XKR5: variants seen among roughly 807,000 people sequenced by gnomAD.
XKR5 encodes the protein XK related 5.
XKR5 carries 46 observed loss-of-function variants against 40.8 expected under a neutral mutation model. That is an observed-to-expected ratio of 1.13 (90% confidence interval 0.89 to 1.44). XKR5 has a LOEUF of 1.44. Among genes scored for constraint, XKR5 ranks in the 40% most tolerant of loss-of-function variants. The pLI is 0.00. For missense variants in XKR5, 1,169 were observed against 844.7 expected, an observed-to-expected ratio of 1.38 and a Z score of -4.76; for synonymous variants, 466 against 356.1, an observed-to-expected ratio of 1.31 and a Z score of -3.48.
At chr8:6,816,721 T>C (rs1024596611) in intron 5 of XKR5, among the ~76,000 whole-genome samples, 1 of 147,566 alleles carries the variant, frequency 6.8e-6, no homozygotes, top group Non-Finnish European at 1.5e-5. Flanking sequence ...AATTAAAATA[T>C]AATTAATATA....
intron 5 of XKR5, among the ~76,000 whole-genome samples, chr8:6,819,270 C>T (rs553129755): frequency 1.6e-4 from 25 of 152,292 alleles, no homozygotes; most frequent in African/African-American, 5.3e-4. Flanking sequence ...GCTGCTGTCT[C>T]GAGGGCTGGG....
At chr8:6,823,414 G>C (rs1039395859) in intron 4 of XKR5, 107 bp downstream of exon 4, 1 of 1,198,882 alleles carries the variant, frequency 8.3e-7, no homozygotes, top group Non-Finnish European at 1.2e-6. Flanking sequence ...AGCCCAGTCA[G>C]CCTTCAGGCC....
chr8:6,833,536 G>A (rs1341684429), intron 1 of XKR5, among the ~76,000 whole-genome samples: 1 of 152,228 alleles, frequency 6.6e-6, no homozygotes, highest in Non-Finnish European at 1.5e-5. Context: ...TTCAAGACCA[G>A]TCTGGGCCTC....
At position 6,811,694 on chromosome 8, in the gene XKR5, G is replaced by A; in HGVS notation, c.1565C>T (p.Thr522Ile). The A allele has an allele frequency of 1.3e-6, 2 of 1,537,720 alleles. No individual in the cohort carries two copies. Among genetic ancestry groups the A allele is most frequent in the East Asian group, 4.9e-5 (2 of 40,934 alleles). Residue 522 changes from threonine (T) to isoleucine (I), a missense_variant, in exon 7 of 7, where the codon ACA becomes ATA. Thr to Ile is a moderately conservative substitution (Grantham distance 89). Coordinates refer to ENST00000618742, the MANE Select transcript of XKR5 (RefSeq NM_207411.5). ...CTGCCCACCTGTCCCCTTCCCCTGT[G>A]TCCCAGAAACAGCGTCAGCTCCTTC... ...PKEGADAVSG[T>I]QGKGTGGQQR...
intron 2 of XKR5, among the ~76,000 whole-genome samples, chr8:6,831,284 T>C (rs558893992): frequency 3.7e-4 from 56 of 152,290 alleles, no homozygotes; most frequent in African/African-American, 1.3e-3. Flanking sequence ...TTCTCCGCCA[T>C]GGAAGGAAGG....
At chr8:6,835,059 A>G (rs1804950091) in intron 1 of XKR5, among the ~76,000 whole-genome samples, 1 of 152,056 alleles carries the variant, frequency 6.6e-6, no homozygotes, top group Non-Finnish European at 1.5e-5. Flanking sequence ...TTGGCATCGC[A>G]GCACTTTGCA....
At chr8:6,830,059 G>A (rs536923895) in intron 2 of XKR5, among the ~76,000 whole-genome samples, 2 of 151,880 alleles carry the variant, frequency 1.3e-5, no homozygotes, top group African/African-American at 4.8e-5. Flanking sequence ...GGATGGTCTG[G>A]ATCTCCTGAC....
intron 3 of XKR5, among the ~76,000 whole-genome samples, chr8:6,824,009 C>A (rs777349946): frequency 2.0e-5 from 3 of 152,346 alleles, no homozygotes; most frequent in African/African-American, 7.2e-5. Flanking sequence ...GGGCTGGACT[C>A]TTCCTTTCTA....
At chr8:6,832,613 C>A in intron 2 of XKR5, 104 bp downstream of exon 2, 1 of 1,467,916 alleles carries the variant, frequency 6.8e-7, no homozygotes, top group East Asian at 2.3e-5. Context: ...CTTCCCAATG[C>A]TGAACTTTTA....
chr8:6,820,579 C>CA (rs1486758281), intron 5 of XKR5, among the ~76,000 whole-genome samples: 3 of 115,572 alleles, frequency 2.6e-5, no homozygotes, highest in Non-Finnish European at 5.4e-5. Flanking sequence ...ATGAGAAAAT[C>CA]AATATTCCAC....
rs369317395 is a variant in XKR5, at chr8:6,825,169, C to T, written c.423G>A (p.Val141=). ...VFLASDFTDI[V]PGVSTLFSWS... is the part of the protein sequence containing the mutation. ...TCTGTGGTGACAGTTACTCACCTGGCACAATATCTGTGAAGTCTGAGGCTA... is the reference window on the plus strand; with the variant it reads ...TCTGTGGTGACAGTTACTCACCTGGTACAATATCTGTGAAGTCTGAGGCTA... Residue 141 remains valine, a synonymous_variant, in exon 3 of 7, where the codon GTG becomes GTA. Transcript: ENST00000618742. 204 of 1,613,538 alleles carry T rather than the reference C, an allele frequency of 1.3e-4. 1 individual carries two copies. The African/African-American group carries it at 2.3e-3, about 18-fold the overall frequency.
intron 6 of XKR5, among the ~76,000 whole-genome samples, chr8:6,815,532 C>T (rs1270017571): frequency 6.6e-6 from 1 of 152,060 alleles, no homozygotes; most frequent in Non-Finnish European, 1.5e-5. Flanking sequence ...CTCAACCCTG[C>T]AGGAAGCTCC....
Position 6,808,910 on chromosome 8 carries a change from T to A in XKR5, c.*2288A>T, listed in dbSNP as rs1303575673. On this transcript the variant is annotated 3_prime_UTR_variant, in exon 7 of 7. Coordinates refer to ENST00000618742, the MANE Select transcript of XKR5 (RefSeq NM_207411.5). ...CCCACAGCCCCGCTCGTTAGTGAATTCATGCTGTTGAATGCTCTAACGCCT... is the reference window on the plus strand; with the variant it reads ...CCCACAGCCCCGCTCGTTAGTGAATACATGCTGTTGAATGCTCTAACGCCT... The A allele has an allele frequency of 1.3e-5, 2 of 152,216 alleles. No homozygotes were observed. The highest frequency in any genetic ancestry group is 4.8e-5 in the African/African-American group (2 of 41,444). The allele number at this position is 152,216 out of a possible 1,614,324, so 9.4% of individuals were successfully genotyped here.
chr8:6,817,642 C>T (rs1162353037), intron 5 of XKR5, among the ~76,000 whole-genome samples: 1 of 152,198 alleles, frequency 6.6e-6, no homozygotes, highest in Non-Finnish European at 1.5e-5. Context: ...CTGTTTGTTC[C>T]AGCCAAAACT....
intron 5 of XKR5, among the ~76,000 whole-genome samples, chr8:6,817,749 T>A (rs1804029391): frequency 6.6e-6 from 1 of 152,148 alleles, no homozygotes. Flanking sequence ...GAGATATACA[T>A]CCTCTATTAC....
At chr8:6,819,413 G>C (rs1445336435) in intron 5 of XKR5, among the ~76,000 whole-genome samples, 2 of 152,236 alleles carry the variant, frequency 1.3e-5, no homozygotes, top group Admixed American at 6.5e-5. Flanking sequence ...AGGCTTCCAA[G>C]ATCACAGTCT....
At chr8:6,834,696 C>T (rs959115159) in intron 1 of XKR5, among the ~76,000 whole-genome samples, 2 of 152,184 alleles carry the variant, frequency 1.3e-5, no homozygotes, top group Non-Finnish European at 2.9e-5. Context: ...GGACTCTGCC[C>T]GGGAAAAAGC....
intron 5 of XKR5, among the ~76,000 whole-genome samples, chr8:6,821,511 T>A (rs779405812): frequency 6.6e-5 from 10 of 152,196 alleles, no homozygotes; most frequent in African/African-American, 1.9e-4. Flanking sequence ...ATCTTATTCA[T>A]AAACCCCTAA....
chr8:6,821,515 C>A (rs866911219), intron 5 of XKR5, among the ~76,000 whole-genome samples: 1 of 152,098 alleles, frequency 6.6e-6, no homozygotes, highest in Admixed American at 6.6e-5. Context: ...TATTCATAAA[C>A]CCCTAATAAA....
Sources: allele counts gnomAD v4.1 joint callset (sites outside exome capture counted in the v4.1 genomes callset), GRCh38; gene constraint gnomAD v4.1.1; transcripts MANE v1.5; gene names NCBI Gene and HGNC (gene_info 2026-07-23, HGNC 2026-07-21).